Variants in NUBPL observed in about 807,000 individuals in gnomAD.
The protein encoded by NUBPL is NUBP iron-sulfur cluster assembly factor, mitochondrial.
In NUBPL, 31 loss-of-function variants were observed where a neutral mutation model predicts 45.7. The ratio of observed to expected loss-of-function variants is 0.68; its 90% CI spans 0.51 to 0.92. NUBPL has a LOEUF of 0.92. NUBPL is among the 40% of genes least tolerant of loss of function. The pLI, the probability that NUBPL is intolerant of heterozygous loss-of-function variation, is 0.00. For synonymous variants in NUBPL, 144 were observed against 140.9 expected, an observed-to-expected ratio of 1.02 and a Z score of -0.15; for missense variants, 401 against 398.7, an observed-to-expected ratio of 1.01 and a Z score of -0.05.
chr14:31,804,930 A>T (rs1315046054), intron 7 of NUBPL, among the ~76,000 whole-genome samples: 1 of 152,244 alleles, frequency 6.6e-6, no homozygotes, highest in Non-Finnish European at 1.5e-5. Context: ...AAAAATTGGC[A>T]AAAGGGATCT....
intron 7 of NUBPL, among the ~76,000 whole-genome samples, chr14:31,812,937 C>G (rs1345948089): frequency 3.9e-5 from 6 of 151,930 alleles, no homozygotes; most frequent in Non-Finnish European, 8.8e-5. Flanking sequence ...CTCTTTTGTC[C>G]CCAGTGGTTC....
At chr14:31,566,072 C>G (rs1368154610) in intron 3 of NUBPL, among the ~76,000 whole-genome samples, 1 of 152,078 alleles carries the variant, frequency 6.6e-6, no homozygotes, top group South Asian at 2.1e-4. Flanking sequence ...AGAATACAGG[C>G]AAGAATCATT....
At chr14:31,628,246 A>G (rs1018890296) in intron 4 of NUBPL, among the ~76,000 whole-genome samples, 15 of 152,302 alleles carry the variant, frequency 9.8e-5, no homozygotes, top group African/African-American at 3.4e-4. Flanking sequence ...ATATCTGTGA[A>G]GTTTATTCAG....
intron 6 of NUBPL, among the ~76,000 whole-genome samples, chr14:31,683,612 A>G (rs1234059735): frequency 2.0e-5 from 3 of 151,990 alleles, no homozygotes; most frequent in Non-Finnish European, 2.9e-5. Context: ...CAGCCCCCCA[A>G]AGTGCTGGGA....
intron 7 of NUBPL, among the ~76,000 whole-genome samples, chr14:31,816,046 T>C (rs1395176917): frequency 6.6e-6 from 1 of 152,214 alleles, no homozygotes; most frequent in Non-Finnish European, 1.5e-5. Context: ...GATGCTGGCC[T>C]CATAAAATGA....
At chr14:31,858,085 T>C (rs1195354740) in intron 10 of NUBPL, among the ~76,000 whole-genome samples, 3 of 152,178 alleles carry the variant, frequency 2.0e-5, no homozygotes, top group Non-Finnish European at 4.4e-5. Context: ...GGCATCACAA[T>C]CATGGAAGAA....
intron 4 of NUBPL, among the ~76,000 whole-genome samples, chr14:31,659,734 T>A (rs1220568231): frequency 6.6e-6 from 1 of 152,150 alleles, no homozygotes; most frequent in Non-Finnish European, 1.5e-5. Flanking sequence ...GCTAATAGTT[T>A]CTGTTTAAAA....
intron 7 of NUBPL, among the ~76,000 whole-genome samples, chr14:31,818,388 T>C (rs1270674098): frequency 6.6e-6 from 1 of 152,192 alleles, no homozygotes; most frequent in Non-Finnish European, 1.5e-5. Context: ...TTACTCAAAG[T>C]TGGATTCTTA....
chr14:31,748,593 G>A (rs1488263419), intron 6 of NUBPL, among the ~76,000 whole-genome samples: 2 of 150,268 alleles, frequency 1.3e-5, no homozygotes, highest in Non-Finnish European at 2.9e-5. Flanking sequence ...TCTTATATAA[G>A]TATAGTTCTT....
intron 7 of NUBPL, among the ~76,000 whole-genome samples, chr14:31,807,254 C>T (rs1338348753): frequency 2.0e-5 from 3 of 152,252 alleles, no homozygotes; most frequent in South Asian, 2.1e-4. Flanking sequence ...TAAAAGCATT[C>T]CTGTTTCTCT....
At chr14:31,566,922 A>T (rs189398198) in intron 3 of NUBPL, among the ~76,000 whole-genome samples, 266 of 152,342 alleles carry the variant, frequency 1.7e-3, no homozygotes, top group Middle Eastern at 6.8e-3. Context: ...TAAAGCTTCC[A>T]GAAGGTACGT....
intron 6 of NUBPL, chr14:31,771,829 G>A (rs74944870): frequency 0.025 from 24,818 of 983,990 alleles, 380 homozygotes; most frequent in Non-Finnish European, 0.028. Flanking sequence ...ATTTCCACCC[G>A]AGGGACCCTA....
chr14:31,742,734 G>A (rs1027626519), intron 6 of NUBPL, among the ~76,000 whole-genome samples: 1 of 151,098 alleles, frequency 6.6e-6, no homozygotes, highest in Non-Finnish European at 1.5e-5. Flanking sequence ...CCTCCAAGTA[G>A]CTGGGATTAC....
At chr14:31,589,771 G>T (rs1004200490) in intron 3 of NUBPL, among the ~76,000 whole-genome samples, 1 of 152,084 alleles carries the variant, frequency 6.6e-6, no homozygotes, top group Non-Finnish European at 1.5e-5. Context: ...ATGGTTTTAG[G>T]CACATAGCAT....
chr14:31,811,426 T>A (rs2039802830), intron 7 of NUBPL, among the ~76,000 whole-genome samples: 2 of 152,320 alleles, frequency 1.3e-5, no homozygotes, highest in Non-Finnish European at 2.9e-5. Context: ...CTGAAGCTTG[T>A]GCATGCATCA....
chr14:31,808,947 T>C (rs2039745313), intron 7 of NUBPL, among the ~76,000 whole-genome samples: 1 of 152,242 alleles, frequency 6.6e-6, no homozygotes, highest in South Asian at 2.1e-4. Context: ...TGGACCAGCC[T>C]TGTATCCCAG....
At chr14:31,708,770 C>A (rs765735048) in intron 6 of NUBPL, among the ~76,000 whole-genome samples, 1 of 152,202 alleles carries the variant, frequency 6.6e-6, no homozygotes, top group South Asian at 2.1e-4. Flanking sequence ...TTGTTCCGGG[C>A]ACCCTCAGTC....
At chr14:31,572,484 C>G (rs1362771383) in intron 3 of NUBPL, among the ~76,000 whole-genome samples, 1 of 152,152 alleles carries the variant, frequency 6.6e-6, no homozygotes, top group Non-Finnish European at 1.5e-5. Flanking sequence ...TTATTCTTGG[C>G]TACCCTCAGC....
At chr14:31,844,423 G>A (rs2040421669) in intron 8 of NUBPL, 1 of 152,220 alleles carries the variant, frequency 6.6e-6, no homozygotes, top group African/African-American at 2.4e-5. Context: ...AACAAGCTGT[G>A]TGACATTAAG....
Sources: gnomAD v4.1 joint callset for allele counts (sites outside exome capture counted in the v4.1 genomes callset) on GRCh38, gnomAD v4.1.1 for gene constraint, MANE v1.5 for transcripts, NCBI Gene and HGNC (gene_info 2026-07-23, HGNC 2026-07-21) for gene names.